NBAS: variants seen among roughly 807,000 people sequenced by gnomAD.
The protein encoded by NBAS is NBAS subunit of NRZ tethering complex.
A neutral mutation model predicts 302.5 loss-of-function variants in NBAS; 219 were observed. The observed-to-expected ratio is 0.72, with a 90% CI of 0.65 to 0.81. The LOEUF is 0.81. Ranked by LOEUF, NBAS falls within the 30% of genes least tolerant of loss-of-function variation. The pLI is 0.00. For synonymous variants in NBAS, 1,118 were observed against 1,021.6 expected, an observed-to-expected ratio of 1.09 and a Z score of -1.80; for missense variants, 2,932 against 2,841.6, an observed-to-expected ratio of 1.03 and a Z score of -0.72.
chr2:15,179,326 C>G, intron 50 of NBAS: 1 of 636,226 alleles, frequency 1.6e-6, no homozygotes, highest in East Asian at 3.0e-5. Flanking sequence ...TCCAAGCTAT[C>G]AGATATTCAT....
intron 45 of NBAS, among the ~76,000 whole-genome samples, chr2:15,237,560 ATATTTATT>A (rs35617829): frequency 0.083 from 11,614 of 139,830 alleles, 695 homozygotes; most frequent in East Asian, 0.3. Flanking sequence ...GAAAATCAAA[ATATTTATT>A]TATTTATTTA....
chr2:15,445,477 G>T (rs1210715318), intron 21 of NBAS, among the ~76,000 whole-genome samples: 1 of 139,156 alleles, frequency 7.2e-6, no homozygotes, highest in Non-Finnish European at 1.5e-5. Context: ...GACACAGGAA[G>T]GGGAACATCA....
the NBAS span, among the ~76,000 whole-genome samples, chr2:15,087,223 AAC>A: frequency 0.57 from 81,199 of 143,060 alleles, 24,874 homozygotes; most frequent in Non-Finnish European, 0.69. Flanking sequence ...TTTTTATACA[AAC>A]ACACACACAC....
intron 40 of NBAS, among the ~76,000 whole-genome samples, chr2:15,305,799 T>C (rs114075940): frequency 3.1e-3 from 468 of 152,198 alleles, no homozygotes; most frequent in Non-Finnish European, 5.7e-3. Context: ...GGCCTTCCAA[T>C]CTTATGTATT....
At chr2:14,785,257 A>G in the NBAS span, among the ~76,000 whole-genome samples, 3 of 152,184 alleles carry the variant, frequency 2.0e-5, no homozygotes, top group African/African-American at 7.2e-5. Context: ...CGATCATGTC[A>G]TCTGCAAACA....
At chr2:15,003,016 T>C in the NBAS span, among the ~76,000 whole-genome samples, 1 of 152,196 alleles carries the variant, frequency 6.6e-6, no homozygotes, top group African/African-American at 2.4e-5. Flanking sequence ...GCTCCTCAAG[T>C]GCAGCCAAAG....
chr2:15,207,099 T>C (rs1666182633), intron 48 of NBAS, among the ~76,000 whole-genome samples: 1 of 152,174 alleles, frequency 6.6e-6, no homozygotes, highest in Non-Finnish European at 1.5e-5. Context: ...AAAGCAGTCA[T>C]GGAGGCTGTA....
At chr2:14,916,983 T>G in the NBAS span, among the ~76,000 whole-genome samples, 7 of 152,358 alleles carry the variant, frequency 4.6e-5, no homozygotes, top group Non-Finnish European at 1.0e-4. Context: ...TTTAGGTTCC[T>G]GCTGGAAAGA....
intron 23 of NBAS, among the ~76,000 whole-genome samples, chr2:15,418,909 T>C (rs796820174): frequency 4.6e-5 from 7 of 152,270 alleles, no homozygotes; most frequent in African/African-American, 1.7e-4. Flanking sequence ...GAATGAGACA[T>C]GTCACAAATA....
chr2:15,186,934 A>G (rs1025266194), intron 49 of NBAS, 54 bp from the exon 50 acceptor site: 2 of 1,608,588 alleles, frequency 1.2e-6, no homozygotes, highest in Non-Finnish European at 1.7e-6. Flanking sequence ...AGTTATCATA[A>G]TTGTGATAAA....
At chr2:15,500,304 G>C (rs1465101662) in intron 11 of NBAS, among the ~76,000 whole-genome samples, 1 of 151,972 alleles carries the variant, frequency 6.6e-6, no homozygotes, top group Non-Finnish European at 1.5e-5. Context: ...AAAATACTCA[G>C]ATCAATAAAA....
chr2:14,834,374 A>G, the NBAS span, among the ~76,000 whole-genome samples: 1 of 152,138 alleles, frequency 6.6e-6, no homozygotes, highest in African/African-American at 2.4e-5. Context: ...CATTGTCTCC[A>G]TTTTGAGTGC....
At chr2:15,456,605 T>C (rs1679257755) in intron 21 of NBAS, among the ~76,000 whole-genome samples, 1 of 152,186 alleles carries the variant, frequency 6.6e-6, no homozygotes, top group African/African-American at 2.4e-5. Context: ...ACTCAACAAG[T>C]ATTTAACGAA....
chr2:15,147,987 C>T, the NBAS span, among the ~76,000 whole-genome samples: 4 of 152,152 alleles, frequency 2.6e-5, no homozygotes, highest in Non-Finnish European at 4.4e-5. Context: ...TGGTGCCTTG[C>T]TCTGTGCTGG....
chr2:15,481,139 T>C (rs1310028145), intron 12 of NBAS, among the ~76,000 whole-genome samples: 1 of 152,198 alleles, frequency 6.6e-6, no homozygotes, highest in Non-Finnish European at 1.5e-5. Context: ...CTTCCACCAT[T>C]GTAGCGCATA....
At position 15,293,335 on chromosome 2, in the gene NBAS, G is replaced by A. The variant is rs530915933; in HGVS notation, c.4798-569C>T. Among the ~76,000 whole-genome samples, 5 of 152,238 alleles carry A rather than the reference G, an allele frequency of 3.3e-5. No individual in the cohort carries two copies. In the South Asian group the frequency reaches 1.0e-3, roughly 32 times the overall value. On this transcript the variant is annotated intron_variant, in intron 40 of 51. Coordinates refer to ENST00000281513, the MANE Select transcript of NBAS (RefSeq NM_015909.4). ...AATAGTGCAAGTTGCATAAAAAAAGGCATCCAACCAATTTTTACTCCTCTA... is the reference window on the plus strand; with the variant it reads ...AATAGTGCAAGTTGCATAAAAAAAGACATCCAACCAATTTTTACTCCTCTA...
At chr2:15,436,576 C>T (rs1198553199) in intron 21 of NBAS, among the ~76,000 whole-genome samples, 1 of 152,084 alleles carries the variant, frequency 6.6e-6, no homozygotes, top group African/African-American at 2.4e-5. Context: ...GGCACGTTAA[C>T]CTCATCTAAA....
intron 35 of NBAS, among the ~76,000 whole-genome samples, chr2:15,348,912 G>A (rs1186996785): frequency 3.9e-5 from 6 of 152,164 alleles, no homozygotes; most frequent in African/African-American, 1.4e-4. Context: ...GAGAGAGAAT[G>A]CTTAGGGAAT....
At chr2:15,108,156 A>C in the NBAS span, among the ~76,000 whole-genome samples, 2 of 152,236 alleles carry the variant, frequency 1.3e-5, no homozygotes, top group Admixed American at 6.5e-5. Flanking sequence ...ATTTGCATAT[A>C]AGCTTTTGTG....
Sources: gnomAD v4.1 joint callset for allele counts (sites outside exome capture counted in the v4.1 genomes callset) on GRCh38, gnomAD v4.1.1 for gene constraint, MANE v1.5 for transcripts, NCBI Gene and HGNC (gene_info 2026-07-23, HGNC 2026-07-21) for gene names.